KANK1: variants seen among roughly 807,000 people sequenced by gnomAD.
The protein encoded by KANK1 is KN motif and ankyrin repeat domains 1, also known as KN motif and ankyrin repeat domain-containing protein 1.
In KANK1, 109 loss-of-function variants were observed where a neutral mutation model predicts 106.2. The ratio of observed to expected loss-of-function variants is 1.03; its 90% CI spans 0.88 to 1.20. KANK1 has a LOEUF of 1.20. Among genes scored for constraint, KANK1 ranks in the 50% most tolerant of loss-of-function variants. The pLI is 0.00. For missense variants in KANK1, 2,399 were observed against 1,710.7 expected (o/e 1.40, Z -7.10); for synonymous variants, 873 against 652.2 (o/e 1.34, Z -5.16).
chr9:693,763 C>G, intron 2 of KANK1: 5 of 985,258 alleles, frequency 5.1e-6, no homozygotes, highest in Non-Finnish European at 6.0e-6. Flanking sequence ...CGCTGAAAAT[C>G]ACAGTTATTT....
At chr9:527,706 T>C (rs1267885430) in intron 1 of KANK1, among the ~76,000 whole-genome samples, 3 of 151,422 alleles carry the variant, frequency 2.0e-5, no homozygotes, top group African/African-American at 4.9e-5. Context: ...TTTTTTTTTT[T>C]TTCTTTTACC....
chr9:571,670 G>C (rs532678649), intron 1 of KANK1, among the ~76,000 whole-genome samples: 2 of 152,122 alleles, frequency 1.3e-5, no homozygotes, highest in Non-Finnish European at 2.9e-5. Context: ...TACATTTAGA[G>C]ACTTAACAGT....
At chr9:579,332 G>C (rs530227631) in intron 1 of KANK1, among the ~76,000 whole-genome samples, 1 of 152,264 alleles carries the variant, frequency 6.6e-6, no homozygotes, top group East Asian at 1.9e-4. Context: ...AAACAAACTT[G>C]GGGAGGATGT....
intron 1 of KANK1, among the ~76,000 whole-genome samples, chr9:635,243 G>C (rs939402557): frequency 7.2e-5 from 11 of 151,974 alleles, no homozygotes; most frequent in Non-Finnish European, 2.9e-5. Flanking sequence ...CCTGCTCTCT[G>C]CCCCTCTAGA....
At chr9:628,037 A>G (rs10815369) in intron 1 of KANK1, among the ~76,000 whole-genome samples, 9,178 of 151,982 alleles carry the variant, frequency 0.06, 752 homozygotes, top group East Asian at 0.24. Flanking sequence ...TATTGGCACA[A>G]TGCTTTTACA....
At chr9:677,813 C>G (rs569667120) in intron 2 of KANK1, among the ~76,000 whole-genome samples, 1 of 152,320 alleles carries the variant, frequency 6.6e-6, no homozygotes, top group South Asian at 2.1e-4. Flanking sequence ...ACATTATATA[C>G]TGGAGCAAGT....
chr9:588,774 CTG>C (rs1450037429), intron 1 of KANK1, among the ~76,000 whole-genome samples: 1 of 152,114 alleles, frequency 6.6e-6, no homozygotes, highest in Non-Finnish European at 1.5e-5. Flanking sequence ...CAAATCATGA[CTG>C]TGCTGTGCCT....
intron 1 of KANK1, among the ~76,000 whole-genome samples, chr9:649,448 A>G (rs1266860589): frequency 1.3e-5 from 2 of 152,216 alleles, no homozygotes; most frequent in African/African-American, 4.8e-5. Context: ...CAGATGTGTG[A>G]TAACTGACTT....
chr9:637,469 T>C (rs1837417305), intron 1 of KANK1, among the ~76,000 whole-genome samples: 1 of 152,204 alleles, frequency 6.6e-6, no homozygotes, highest in Non-Finnish European at 1.5e-5. Context: ...TCATAAATTT[T>C]AGCATGCATC....
At chr9:621,863 G>C (rs563574298) in intron 1 of KANK1, among the ~76,000 whole-genome samples, 27 of 152,146 alleles carry the variant, frequency 1.8e-4, no homozygotes, top group Admixed American at 9.2e-4. Flanking sequence ...CCGGTGGAAG[G>C]GGTACAGTCC....
At chr9:622,327 A>G (rs1307962512) in intron 1 of KANK1, among the ~76,000 whole-genome samples, 1 of 152,166 alleles carries the variant, frequency 6.6e-6, no homozygotes, top group Non-Finnish European at 1.5e-5. Flanking sequence ...GTGTGGTGAA[A>G]GACTGCTACA....
At chr9:737,937 C>G (rs1023624321) in intron 7 of KANK1, among the ~76,000 whole-genome samples, 1 of 152,156 alleles carries the variant, frequency 6.6e-6, no homozygotes, top group Non-Finnish European at 1.5e-5. Context: ...ATGGTATTAT[C>G]CAGTTTTTCA....
intron 1 of KANK1, among the ~76,000 whole-genome samples, chr9:612,324 G>C (rs1289262946): frequency 6.6e-6 from 1 of 152,126 alleles, no homozygotes; most frequent in Non-Finnish European, 1.5e-5. Context: ...TCAGTACAAA[G>C]TCTAAGATGT....
At chr9:530,129 A>C (rs1385851218) in intron 1 of KANK1, among the ~76,000 whole-genome samples, 1 of 152,204 alleles carries the variant, frequency 6.6e-6, no homozygotes, top group African/African-American at 2.4e-5. Context: ...GTTGTATGAC[A>C]TTATACCTAA....
intron 3 of KANK1, among the ~76,000 whole-genome samples, chr9:729,404 AG>A (rs1342338226): frequency 6.6e-6 from 1 of 152,176 alleles, no homozygotes; most frequent in Admixed American, 6.5e-5. Flanking sequence ...CAGTGATGGG[AG>A]GGTGCGGCTG....
intron 2 of KANK1, among the ~76,000 whole-genome samples, chr9:696,355 T>C (rs2129732418): frequency 6.6e-6 from 1 of 151,580 alleles, no homozygotes; most frequent in South Asian, 2.1e-4. Flanking sequence ...AACACAGGCA[T>C]GTGCTTGCTA....
chr9:676,601 A>G (rs892901448), intron 1 of KANK1, among the ~76,000 whole-genome samples: 1 of 152,204 alleles, frequency 6.6e-6, no homozygotes, highest in Non-Finnish European at 1.5e-5. Flanking sequence ...AGTCATTTGT[A>G]TTTGGTGACC....
chr9:635,808 C>T (rs1054770455), intron 1 of KANK1, among the ~76,000 whole-genome samples: 5 of 144,352 alleles, frequency 3.5e-5, no homozygotes, highest in Admixed American at 1.5e-4. Flanking sequence ...AGGTGATTCT[C>T]CTGTCTCAGC....
intron 3 of KANK1, among the ~76,000 whole-genome samples, chr9:719,438 G>A (rs573898294): frequency 2.0e-5 from 3 of 152,268 alleles, no homozygotes; most frequent in African/African-American, 7.2e-5. Flanking sequence ...AAATCAGAAT[G>A]TCAAGCTGAA....
Sources: gnomAD v4.1 joint callset for allele counts (sites outside exome capture counted in the v4.1 genomes callset) on GRCh38, gnomAD v4.1.1 for gene constraint, MANE v1.5 for transcripts, NCBI Gene and HGNC (gene_info 2026-07-23, HGNC 2026-07-21) for gene names.